The following ZFYVE1 variants were observed in gnomAD, a reference collection of about 807,000 sequenced individuals.
ZFYVE1 encodes the protein zinc finger FYVE-type containing 1, also known as zinc finger FYVE domain-containing protein 1.
In ZFYVE1, 30 loss-of-function variants were observed where a neutral mutation model predicts 74.4. The ratio of observed to expected loss-of-function variants is 0.40; its 90% CI spans 0.30 to 0.55. The LOEUF (loss-of-function observed/expected upper bound fraction) is 0.55. Ranked by LOEUF, ZFYVE1 falls within the 20% of genes least tolerant of loss-of-function variation. The pLI, the probability that ZFYVE1 is intolerant of heterozygous loss-of-function variation, is 0.42. For missense variants in ZFYVE1, 703 were observed against 1,011.6 expected (o/e 0.69, Z 4.14); for synonymous variants, 335 against 385.1 (o/e 0.87, Z 1.52).
In ZFYVE1 at chr14:72,978,877, C is replaced by T. The variant is rs143773668; in HGVS notation, c.1403G>A (p.Arg468Gln). The change falls in exon 6 of 12, where the codon CGA becomes CAA. Residue 468 changes from arginine to glutamine, a missense_variant. By Grantham distance (43) the Arg-to-Gln change is conservative. Transcript: ENST00000556143. ...AGGACTCACCTTGCAGGTATACACT[C>T]GGTTGTCATACTGGTGGGAGTATCT... ...RCRYSHQYDNRVYTCKACYER... is the reference protein window; with the variant it reads ...RCRYSHQYDNQVYTCKACYER... The T allele has an allele frequency of 6.8e-6, 11 of 1,614,008 alleles. No homozygotes were observed. The highest frequency in any genetic ancestry group is 4.0e-5 in the African/African-American group (3 of 74,936).
chr14:72,978,566 CAAAAAAAAAAAA>C (rs58858186), intron 6 of ZFYVE1, among the ~76,000 whole-genome samples: 61 of 50,970 alleles, frequency 1.2e-3, no homozygotes, highest in Non-Finnish European at 1.5e-3. Context: ...GACTCTGTCT[CAAAAAAAAAAAA>C]AAAAAAAAAA....
At chr14:73,003,044 TTTTTC>T (rs1342527280) in intron 2 of ZFYVE1, among the ~76,000 whole-genome samples, 2 of 134,578 alleles carry the variant, frequency 1.5e-5, no homozygotes, top group African/African-American at 5.7e-5. Flanking sequence ...CCCAGCCCTT[TTTTTC>T]TTTTCTTTTT....
intron 2 of ZFYVE1, among the ~76,000 whole-genome samples, chr14:73,007,707 T>C (rs1241183045): frequency 6.6e-6 from 1 of 152,158 alleles, no homozygotes; most frequent in Non-Finnish European, 1.5e-5. Context: ...GGATTTTACC[T>C]AAACTATGTC....
chr14:73,015,262 A>G (rs1594862827), intron 2 of ZFYVE1, among the ~76,000 whole-genome samples: 1 of 71,228 alleles, frequency 1.4e-5, no homozygotes, highest in Non-Finnish European at 2.8e-5. Flanking sequence ...GGAAGGAAGG[A>G]AGGAAGGAAG....
chr14:72,988,367 G>A (rs1893531658), intron 4 of ZFYVE1, among the ~76,000 whole-genome samples: 1 of 151,846 alleles, frequency 6.6e-6, no homozygotes, highest in South Asian at 2.1e-4. Flanking sequence ...CAGAGATGGG[G>A]TTTTGCCGTG....
intron 2 of ZFYVE1, among the ~76,000 whole-genome samples, chr14:73,003,573 A>C (rs530090860): frequency 7.9e-5 from 12 of 152,252 alleles, no homozygotes; most frequent in Admixed American, 3.9e-4. Flanking sequence ...AGCTGGGCGT[A>C]GTGGTTCACG....
intron 4 of ZFYVE1, among the ~76,000 whole-genome samples, chr14:72,991,304 C>T (rs796886811): frequency 6.3e-4 from 96 of 151,574 alleles, no homozygotes; most frequent in African/African-American, 2.1e-3. Context: ...ATTCTCCTGC[C>T]TCAGCCTCCC....
At chr14:73,023,251 T>TTATGTTTTATATATAATATATATTA (rs1894363023) in intron 2 of ZFYVE1, among the ~76,000 whole-genome samples, 2 of 93,228 alleles carry the variant, frequency 2.1e-5, no homozygotes, top group African/African-American at 8.4e-5. Context: ...AATATATATA[T>TTATGTTTTATATATAATATATATTA]TATATGTTTT....
rs1004645937 is a variant in ZFYVE1 at position 73,024,431 on chromosome 14, C to T, written c.78G>A (p.Gly26=). Reference sequence around the variant, plus strand: ...CACACTCAAAGATAGCTTCATCAGTCCCGCTGCAAGCGTAACTTTCCTGGC... The same window carrying T: ...CACACTCAAAGATAGCTTCATCAGTTCCGCTGCAAGCGTAACTTTCCTGGC... The part of the protein sequence containing the change: ...LMCQESYACS[G]TDEAIFECDE... Residue 26 remains glycine (G), a synonymous_variant, in exon 2 of 12, where the codon GGG becomes GGA. Transcript: ENST00000556143. 5.0e-6 allele frequency: 8 copies of T among 1,614,026 alleles called. No homozygotes were observed. The African/African-American group carries it at 6.7e-5, about 13-fold the overall frequency.
At chr14:72,981,468 A>G (rs866800732) in intron 5 of ZFYVE1, among the ~76,000 whole-genome samples, 2 of 152,088 alleles carry the variant, frequency 1.3e-5, no homozygotes, top group South Asian at 2.1e-4. Context: ...AAACACAGAA[A>G]AGCAGGCAAC....
intron 2 of ZFYVE1, among the ~76,000 whole-genome samples, chr14:73,016,082 C>T (rs1332424853): frequency 2.0e-5 from 3 of 152,220 alleles, no homozygotes; most frequent in Non-Finnish European, 4.4e-5. Context: ...ATTCTATCCT[C>T]TTCCCCCACT....
At chr14:73,008,550 T>A (rs955329) in intron 2 of ZFYVE1, among the ~76,000 whole-genome samples, 1 of 152,092 alleles carries the variant, frequency 6.6e-6, no homozygotes, top group African/African-American at 2.4e-5. Flanking sequence ...TTTGACCACA[T>A]CCAACACACC....
intron 2 of ZFYVE1, among the ~76,000 whole-genome samples, chr14:73,000,863 T>C (rs1424653922): frequency 2.6e-5 from 4 of 152,182 alleles, no homozygotes; most frequent in Non-Finnish European, 5.9e-5. Context: ...ATGTGGTATA[T>C]CCACACACTG....
chr14:72,979,209 A>G, intron 5 of ZFYVE1: 1 of 445,706 alleles, frequency 2.2e-6, no homozygotes. Context: ...CAGGGGAAAA[A>G]GAAATCTCAG....
At position 72,978,205 on chromosome 14, in the gene ZFYVE1, A is replaced by G. The variant is rs764352942; in HGVS notation, c.1449T>C (p.Ser483=). 6.2e-7 allele frequency: 1 copy of G among 1,614,070 alleles called. No homozygotes were observed. Among genetic ancestry groups the G allele is most frequent in the South Asian group, 1.1e-5 (1 of 91,084 alleles). Residue 483 remains serine, a synonymous_variant, in exon 7 of 12, where the codon AGT becomes AGC. Coordinates refer to ENST00000556143, the MANE Select transcript of ZFYVE1 (RefSeq NM_021260.4). The part of the protein sequence containing the change: ...KACYERGEEV[S]VVPKTSASTD... ...TGGAAGCAGATGTTTTGGGCACTAC[A>G]CTGACTTCCTCGCCTCTCTCATAGC...
At chr14:72,987,550 T>C (rs1335148687) in intron 4 of ZFYVE1, among the ~76,000 whole-genome samples, 2 of 152,098 alleles carry the variant, frequency 1.3e-5, no homozygotes, top group African/African-American at 2.4e-5. Context: ...AGCCAGACCC[T>C]GTCTTAAAAA....
intron 8 of ZFYVE1, among the ~76,000 whole-genome samples, chr14:72,976,438 AC>A (rs916957659): frequency 6.6e-6 from 1 of 152,180 alleles, no homozygotes; most frequent in African/African-American, 2.4e-5. Context: ...TAATGAGACT[AC>A]TATATAATAA....
intron 4 of ZFYVE1, among the ~76,000 whole-genome samples, chr14:72,992,273 T>C (rs1217442756): frequency 6.6e-6 from 1 of 152,066 alleles, no homozygotes; most frequent in African/African-American, 2.4e-5. Flanking sequence ...TGCGTAATAG[T>C]CTCTAGCTAA....
rs1396205119 is a variant in ZFYVE1, at chr14:72,969,759, C to T, written c.*1123G>A. On this transcript the variant is annotated 3_prime_UTR_variant, in exon 12 of 12. Coordinates refer to ENST00000556143, the MANE Select transcript of ZFYVE1 (RefSeq NM_021260.4). ...CATGACAGACAGAGATGTCCAGGCTCTTGAGGAGAAACAAAAGTTCCTTTG... is the reference window on the plus strand; with the variant it reads ...CATGACAGACAGAGATGTCCAGGCTTTTGAGGAGAAACAAAAGTTCCTTTG... The T allele has an allele frequency of 7.1e-6, 5 of 702,234 alleles. No homozygotes were observed. Among genetic ancestry groups the T allele is most frequent in the Non-Finnish European group, 1.0e-5 (4 of 384,736 alleles). The allele number at this position is 702,234 out of a possible 1,614,324, so 43.5% of individuals were successfully genotyped here. A position where few individuals can be genotyped will look rare whatever the true frequency, so the allele number is the denominator to read the frequency against.
Sources: allele counts gnomAD v4.1 joint callset (sites outside exome capture counted in the v4.1 genomes callset), GRCh38; gene constraint gnomAD v4.1.1; transcripts MANE v1.5; gene names NCBI Gene and HGNC (gene_info 2026-07-23, HGNC 2026-07-21).